NLRP3: variants seen among roughly 807,000 people sequenced by gnomAD.
NLRP3 encodes NACHT, LRR and PYD domains-containing protein 3.
A neutral mutation model predicts 91.3 loss-of-function variants in NLRP3; 48 were observed. The ratio of observed to expected loss-of-function variants is 0.53; its 90% CI spans 0.42 to 0.67. NLRP3 has a LOEUF of 0.67. NLRP3 is among the 30% of genes least tolerant of loss of function. The probability of loss-of-function intolerance (pLI) is 0.00; values close to 1 mark genes in which losing one functional copy is unlikely to be tolerated. For missense variants in NLRP3, 982 were observed against 1,276.9 expected (o/e 0.77, Z 3.52); for synonymous variants, 561 against 507.9 (o/e 1.10, Z -1.41).
Position 247,424,655 on chromosome 1 carries a change from C to A in NLRP3, c.1206C>A (p.Val402=). The A allele has an allele frequency of 6.2e-7, 1 of 1,614,254 alleles. No homozygotes were observed. Among genetic ancestry groups the A allele is most frequent in the Non-Finnish European group, 8.5e-7 (1 of 1,180,052 alleles). Residue 402 remains valine, a synonymous_variant, in exon 4 of 10, where the codon GTC becomes GTA. Coordinates refer to ENST00000336119, the MANE Select transcript of NLRP3 (RefSeq NM_001243133.2). This position sits in a 1 kb window ranked among gnomAD's most constrained non-coding sequence, Gnocchi z 8.1. ...TCAGTCTGATTCAGGAGAACGAGGTCCTCTTCACCATGTGCTTCATCCCCC... is the reference window on the plus strand; with the variant it reads ...TCAGTCTGATTCAGGAGAACGAGGTACTCTTCACCATGTGCTTCATCCCCC... ...AAFSLIQENE[V]LFTMCFIPLV...
intron 4 of NLRP3, among the ~76,000 whole-genome samples, chr1:247,426,571 G>C (rs745799926): frequency 8.5e-5 from 13 of 152,148 alleles, no homozygotes; most frequent in Admixed American, 6.5e-4. Context: ...TTCTTGATCC[G>C]TTGACATTAC....
intron 2 of NLRP3, among the ~76,000 whole-genome samples, chr1:247,420,573 C>T (rs932245933): frequency 8.5e-5 from 13 of 152,086 alleles, no homozygotes; most frequent in South Asian, 4.2e-4. Context: ...AAAAATTAGC[C>T]GGGTGTGGTG....
Position 247,418,912 on chromosome 1 carries a change from C to A in NLRP3, c.112C>A (p.Pro38Thr), listed in dbSNP as rs200729212. The A allele has an allele frequency of 6.2e-7, 1 of 1,613,992 alleles. No individual in the cohort carries two copies. The highest frequency in any genetic ancestry group is 1.3e-5 in the African/African-American group (1 of 74,910). Residue 38 changes from proline to threonine, a missense_variant, in exon 2 of 10, where the codon CCC becomes ACC. Physicochemically the swap from Pro to Thr is conservative, Grantham distance 38. Coordinates refer to ENST00000336119, the MANE Select transcript of NLRP3 (RefSeq NM_001243133.2). ...CTATCCTCCCCAGAAGGGCTGCATC[C>A]CCCTCCCGAGGGGTCAGACAGAGAA... Reference protein sequence around the residue: ...EDYPPQKGCIPLPRGQTEKAD... With the variant: ...EDYPPQKGCITLPRGQTEKAD...
rs1293501858 is a variant in NLRP3, at chr1:247,441,941, T to A, written c.2664-2031T>A. On this transcript the variant is annotated intron_variant, in intron 7 of 9. Coordinates refer to ENST00000336119, the MANE Select transcript of NLRP3 (RefSeq NM_001243133.2). ...CCTGCATAACTTTAATTACATAATT[T>A]AAAAAATATTTTCTCTTTTCCTCTT... is the stretch of plus-strand genomic sequence containing the variant. 3.3e-5 allele frequency among the ~76,000 whole-genome samples: 5 copies of A among 152,258 alleles called. No homozygotes were observed. The South Asian group carries it at 6.2e-4, about 19-fold the overall frequency.
intron 3 of NLRP3, 119 bp from the exon 4 acceptor site, chr1:247,423,728 C>A: frequency 1.1e-6 from 1 of 909,804 alleles, no homozygotes; most frequent in Non-Finnish European, 1.8e-6. Context: ...TGGGGAGGAG[C>A]TGCACCTTCC....
rs781131956 is a variant in NLRP3, at chr1:247,434,086, C to G, written c.2322-17C>G. 1.6e-6 allele frequency: 2 copies of G among 1,260,632 alleles called. No homozygotes were observed. The highest frequency in any genetic ancestry group is 2.1e-6 in the Non-Finnish European group (2 of 974,852). 78.1% of individuals were successfully genotyped at this position (1,260,632 alleles called of 1,614,324 possible). Reference sequence around the variant, plus strand: ...AGGTGTGTTCTGATGCTTTCTGCCTCTGTTCTTGGCATGAAGGTTGGGGCG... The same window carrying G: ...AGGTGTGTTCTGATGCTTTCTGCCTGTGTTCTTGGCATGAAGGTTGGGGCG... On this transcript the variant is annotated splice_polypyrimidine_tract_variant and intron_variant, in intron 5 of 9. Transcript: ENST00000336119.
chr1:247,437,208 C>G (rs1663855641), intron 7 of NLRP3, among the ~76,000 whole-genome samples: 1 of 152,200 alleles, frequency 6.6e-6, no homozygotes, highest in African/African-American at 2.4e-5. Flanking sequence ...GTCTTTTGAC[C>G]CATTGACTAG....
chr1:247,416,525 G>T (rs1270104550), intron 1 of NLRP3, among the ~76,000 whole-genome samples: 6 of 152,176 alleles, frequency 3.9e-5, no homozygotes, highest in African/African-American at 7.2e-5. Context: ...CCTCCTTAAA[G>T]ACCAAAGGGC....
chr1:247,446,461 G>C (rs182762911), intron 9 of NLRP3, among the ~76,000 whole-genome samples: 1 of 152,236 alleles, frequency 6.6e-6, no homozygotes, highest in African/African-American at 2.4e-5. Context: ...CGAAGATTCC[G>C]CTTCTCCCAA....
chr1:247,440,169 G>T (rs948177953), intron 7 of NLRP3, among the ~76,000 whole-genome samples: 3 of 152,026 alleles, frequency 2.0e-5, no homozygotes, highest in African/African-American at 7.3e-5. Flanking sequence ...TCGAACTTTG[G>T]GTCCTCATCT....
At chr1:247,442,692 A>G (rs1664313033) in intron 7 of NLRP3, among the ~76,000 whole-genome samples, 1 of 152,170 alleles carries the variant, frequency 6.6e-6, no homozygotes, top group African/African-American at 2.4e-5. Flanking sequence ...TAATTTTTAT[A>G]AGCCTTAGAT....
intron 2 of NLRP3, among the ~76,000 whole-genome samples, chr1:247,419,817 T>A (rs1662329095): frequency 6.6e-6 from 1 of 152,252 alleles, no homozygotes; most frequent in Non-Finnish European, 1.5e-5. Flanking sequence ...TGTTTAGTTA[T>A]CTGTTGATGA....
At chr1:247,439,558 A>G (rs1350641592) in intron 7 of NLRP3, among the ~76,000 whole-genome samples, 2 of 152,196 alleles carry the variant, frequency 1.3e-5, no homozygotes, top group African/African-American at 4.8e-5. Context: ...AAGTCATGTT[A>G]GATTTGTAAC....
Position 247,425,941 on chromosome 1 carries a change from G to A in NLRP3, c.2150+342G>A, listed in dbSNP as rs570340300. ...CACTAGTGCCTAAGAGTCAGTCAAT[G>A]TCTGTGGGGCAGAACAATGCCAGAG... On this transcript the variant is annotated intron_variant, in intron 4 of 9. Transcript: ENST00000336119. The surrounding 1 kb of genome is among the most constrained non-coding windows in gnomAD (Gnocchi z 4.1). The A allele has an allele frequency of 1.0e-4, 38 of 363,438 alleles. No homozygotes were observed. The highest frequency in any genetic ancestry group is 8.2e-4 in the South Asian group (35 of 42,492). 22.5% of individuals were successfully genotyped at this position (363,438 alleles called of 1,614,324 possible).
intron 7 of NLRP3, among the ~76,000 whole-genome samples, chr1:247,441,250 T>C (rs1664225300): frequency 6.8e-6 from 1 of 147,350 alleles, no homozygotes; most frequent in Non-Finnish European, 1.5e-5. Context: ...TTTTCTTTTC[T>C]TTTTTTAAGA....
chr1:247,435,918 T>C lies in NLRP3; in HGVS notation c.2493-52T>C. On this transcript the variant is annotated intron_variant, in intron 6 of 9. Transcript: ENST00000336119. Reference sequence around the variant, plus strand: ...GCAGGTACGGGTGCTTCCTTGTCCATGGTGGAGCGTGGGTGAGAGACATGA... The same window carrying C: ...GCAGGTACGGGTGCTTCCTTGTCCACGGTGGAGCGTGGGTGAGAGACATGA... 8 of 1,586,556 alleles carry C rather than the reference T, an allele frequency of 5.0e-6. No individual in the cohort carries two copies. In the South Asian group the frequency reaches 8.9e-5, roughly 18 times the overall value.
At chr1:247,438,979 C>T (rs1399844414) in intron 7 of NLRP3, among the ~76,000 whole-genome samples, 1 of 151,626 alleles carries the variant, frequency 6.6e-6, no homozygotes, top group East Asian at 1.9e-4. Flanking sequence ...TCCATCCATC[C>T]ATCCATCCAT....
intron 9 of NLRP3, among the ~76,000 whole-genome samples, chr1:247,447,063 T>C (rs1435991315): frequency 6.6e-6 from 1 of 152,206 alleles, no homozygotes; most frequent in East Asian, 1.9e-4. Context: ...AGGCTCAAAA[T>C]AGATTGAAGA....
At chr1:247,443,315 G>A (rs1292086760) in intron 7 of NLRP3, among the ~76,000 whole-genome samples, 34 of 152,118 alleles carry the variant, frequency 2.2e-4, no homozygotes, top group Admixed American at 2.0e-3. Flanking sequence ...CTGCAGCCTC[G>A]ACTTCCTGGA....
Sources: allele counts gnomAD v4.1 joint callset (sites outside exome capture counted in the v4.1 genomes callset), GRCh38; gene constraint gnomAD v4.1.1; non-coding constraint Gnocchi (gnomAD v3.1); transcripts MANE v1.5; gene names NCBI Gene and HGNC (gene_info 2026-07-23, HGNC 2026-07-21).